ERBB4: variants seen among roughly 807,000 people sequenced by gnomAD.
The protein encoded by ERBB4 is erb-b2 receptor tyrosine kinase 4.
In ERBB4, 42 loss-of-function variants were observed where a neutral mutation model predicts 158.0. The ratio of observed to expected loss-of-function variants is 0.27; its 90% CI spans 0.21 to 0.34. The LOEUF (loss-of-function observed/expected upper bound fraction) is 0.34, where lower values mean the gene tolerates loss of function less well. ERBB4 is among the 10% of genes least tolerant of loss of function. The pLI is 1.00. For missense variants in ERBB4, 1,333 were observed against 1,624.1 expected (o/e 0.82, Z 3.08); for synonymous variants, 583 against 558.7 (o/e 1.04, Z -0.61).
chr2:212,286,201 CGGTT>C (rs1428680274), intron 1 of ERBB4, among the ~76,000 whole-genome samples: 1 of 152,038 alleles, frequency 6.6e-6, no homozygotes, highest in East Asian at 1.9e-4. Flanking sequence ...TTGGTTCTTA[CGGTT>C]TACTGAAGCA....
chr2:211,990,601 G>T (rs2082049557), intron 2 of ERBB4, among the ~76,000 whole-genome samples: 1 of 151,764 alleles, frequency 6.6e-6, no homozygotes, highest in South Asian at 2.1e-4. Flanking sequence ...TCAACTTCTA[G>T]CAAGTCGTTA....
intron 5 of ERBB4, among the ~76,000 whole-genome samples, chr2:211,729,827 A>G (rs2074375672): frequency 6.6e-6 from 1 of 151,800 alleles, no homozygotes; most frequent in African/African-American, 2.4e-5. Context: ...TTTTCCTTGT[A>G]TTTAGTTTCC....
At chr2:211,627,223 G>A (rs990668989) in intron 17 of ERBB4, among the ~76,000 whole-genome samples, 1 of 152,182 alleles carries the variant, frequency 6.6e-6, no homozygotes, top group South Asian at 2.1e-4. Flanking sequence ...AGCTGGCCAT[G>A]AGGAAGAATT....
chr2:211,731,529 T>C (rs2074427334), intron 5 of ERBB4, among the ~76,000 whole-genome samples: 1 of 152,160 alleles, frequency 6.6e-6, no homozygotes, highest in Non-Finnish European at 1.5e-5. Flanking sequence ...TGTAATGGGC[T>C]TCTTAAGTGT....
At chr2:212,366,106 C>T (rs1472043807) in intron 1 of ERBB4, among the ~76,000 whole-genome samples, 1 of 151,780 alleles carries the variant, frequency 6.6e-6, no homozygotes, top group Non-Finnish European at 1.5e-5. Context: ...GTGCTAGCCT[C>T]CGAAAAAATA....
chr2:212,397,518 A>AG (rs1340077077), intron 1 of ERBB4, among the ~76,000 whole-genome samples: 2 of 111,750 alleles, frequency 1.8e-5, no homozygotes. Flanking sequence ...GAAGGGGGGA[A>AG]GGGGGGAAGG....
chr2:212,415,863 C>T (rs1001132401), intron 1 of ERBB4, among the ~76,000 whole-genome samples: 2 of 152,036 alleles, frequency 1.3e-5, no homozygotes, highest in Admixed American at 6.6e-5. Flanking sequence ...TTTGGAACAT[C>T]CAACGAATAG....
intron 2 of ERBB4, among the ~76,000 whole-genome samples, chr2:211,967,413 CAT>C (rs2125191847): frequency 6.6e-6 from 1 of 152,106 alleles, no homozygotes; most frequent in South Asian, 2.1e-4. Context: ...TTTTAGGTGA[CAT>C]ATTTCAGCAA....
intron 3 of ERBB4, among the ~76,000 whole-genome samples, chr2:211,891,450 A>G (rs1434290936): frequency 8.7e-6 from 1 of 114,404 alleles, no homozygotes; most frequent in Non-Finnish European, 1.8e-5. Flanking sequence ...CACAAGAGAA[A>G]GCAGGGAAGA....
At chr2:212,296,628 G>A (rs897674734) in intron 1 of ERBB4, among the ~76,000 whole-genome samples, 2 of 151,804 alleles carry the variant, frequency 1.3e-5, no homozygotes, top group Admixed American at 6.6e-5. Context: ...TCTGCCTTGC[G>A]CCATAACTCT....
chr2:211,638,504 C>A (rs1383808701), intron 16 of ERBB4, among the ~76,000 whole-genome samples: 2 of 152,042 alleles, frequency 1.3e-5, no homozygotes, highest in Non-Finnish European at 2.9e-5. Context: ...TTGACGAGAC[C>A]TGGGGTATTA....
At chr2:212,226,630 C>T (rs1319563995) in intron 1 of ERBB4, among the ~76,000 whole-genome samples, 1 of 152,162 alleles carries the variant, frequency 6.6e-6, no homozygotes, top group Non-Finnish European at 1.5e-5. Context: ...TAACTTTATA[C>T]TACTCCTTTA....
chr2:211,458,773 T>TA (rs1254361187), intron 20 of ERBB4, among the ~76,000 whole-genome samples: 6 of 152,144 alleles, frequency 3.9e-5, no homozygotes, highest in African/African-American at 1.4e-4. Flanking sequence ...AAACACACAC[T>TA]ACTAACACAA....
At chr2:212,183,685 C>G (rs977191485) in intron 1 of ERBB4, among the ~76,000 whole-genome samples, 2 of 151,880 alleles carry the variant, frequency 1.3e-5, no homozygotes, top group African/African-American at 2.4e-5. Flanking sequence ...TAAAAGTAGA[C>G]TATACAAGAT....
intron 1 of ERBB4, among the ~76,000 whole-genome samples, chr2:212,232,884 T>G (rs1165782922): frequency 6.6e-6 from 1 of 151,118 alleles, no homozygotes; most frequent in Non-Finnish European, 1.5e-5. Context: ...ATTTGTCCCT[T>G]GCGCTACAGA....
Position 212,458,345 on chromosome 2 carries a change from T to C in ERBB4, c.82+80104A>G, listed in dbSNP as rs1033090920. Among the ~76,000 whole-genome samples, 5 of 151,982 alleles carry C rather than the reference T, an allele frequency of 3.3e-5. No individual in the cohort carries two copies. In the East Asian group the frequency reaches 9.6e-4, roughly 29 times the overall value. On this transcript the variant is annotated intron_variant, in intron 1 of 27. Transcript: ENST00000342788. ...CTTTTTAGTTAGGCTCTGAAAGATA[T>C]ATAGAAATCTGTAAGGGACATATGG...
intron 3 of ERBB4, among the ~76,000 whole-genome samples, chr2:211,880,242 CT>C (rs1466742898): frequency 6.6e-6 from 1 of 152,226 alleles, no homozygotes; most frequent in East Asian, 1.9e-4. Context: ...CAAAATGCTA[CT>C]TACACTACAA....
chr2:211,377,823 G>A lies in ERBB4; in HGVS notation c.*5792C>T, dbSNP rs560965373. ...TATGTGAGTTTCAAGATTCATCACA[G>A]GGCTAACTCGTCTCAAATTCCTATA... On this transcript the variant is annotated 3_prime_UTR_variant, in exon 28 of 28. Transcript: ENST00000342788. 2.6e-5 allele frequency: 6 copies of A among 232,724 alleles called. No homozygotes were observed. Among genetic ancestry groups the A allele is most frequent in the African/African-American group, 1.3e-4 (6 of 45,424 alleles). The allele number at this position is 232,724 out of a possible 1,614,324, so 14.4% of individuals were successfully genotyped here. A position where few individuals can be genotyped will look rare whatever the true frequency, so the allele number is the denominator to read the frequency against.
intron 2 of ERBB4, among the ~76,000 whole-genome samples, chr2:211,959,643 C>T (rs142173004): frequency 6.6e-5 from 10 of 152,180 alleles, no homozygotes; most frequent in Admixed American, 5.9e-4. Flanking sequence ...TACAGAGAAG[C>T]AATCATTATA....
Sources: allele counts gnomAD v4.1 joint callset (sites outside exome capture counted in the v4.1 genomes callset), GRCh38; gene constraint gnomAD v4.1.1; transcripts MANE v1.5; gene names NCBI Gene and HGNC (gene_info 2026-07-23, HGNC 2026-07-21).